The following MRPL45 variants were observed in gnomAD, a reference collection of about 807,000 sequenced individuals.
MRPL45 encodes mitochondrial ribosomal protein L45.
Under a neutral mutation model 38.1 loss-of-function variants are expected in MRPL45, and 20 were observed. That is an observed-to-expected ratio of 0.53 (90% CI 0.37 to 0.76). The LOEUF (loss-of-function observed/expected upper bound fraction) is 0.76, where lower values mean the gene tolerates loss of function less well. MRPL45 is among the 30% of genes least tolerant of loss of function. The pLI, the probability that MRPL45 is intolerant of heterozygous loss-of-function variation, is 0.00. For synonymous variants in MRPL45, 105 were observed against 128.8 expected, an observed-to-expected ratio of 0.82 and a Z score of 1.25; for missense variants, 337 against 395.6, an observed-to-expected ratio of 0.85 and a Z score of 1.26.
chr17:38,316,737 C>CAAAAA (rs61383463), intron 4 of MRPL45, among the ~76,000 whole-genome samples: 2 of 61,212 alleles, frequency 3.3e-5, no homozygotes, highest in Non-Finnish European at 3.1e-5. Context: ...TGGTGCAATC[C>CAAAAA]AAAAAAAAAA....
At chr17:38,319,001 A>G (rs1555522229) in intron 5 of MRPL45, among the ~76,000 whole-genome samples, 1 of 51,864 alleles carries the variant, frequency 1.9e-5, no homozygotes, top group Non-Finnish European at 3.4e-5. Context: ...CTAATTTTTT[A>G]TTTATTTATT....
intron 3 of MRPL45, among the ~76,000 whole-genome samples, chr17:38,305,448 C>A (rs1470515928): frequency 6.9e-6 from 1 of 144,426 alleles, no homozygotes; most frequent in African/African-American, 2.6e-5. Context: ...GCCTGTGCGA[C>A]GGAGTGCGAG....
intron 1 of MRPL45, among the ~76,000 whole-genome samples, chr17:38,297,557 C>A (rs539665459): frequency 9.1e-4 from 139 of 152,128 alleles, no homozygotes; most frequent in African/African-American, 3.3e-3. Context: ...CCCTAATCTT[C>A]GATTCTTATA....
In MRPL45 at chr17:38,322,210, G is replaced by A. The variant is rs767927015; in HGVS notation, c.745G>A (p.Glu249Lys). The change falls in exon 7 of 8, where the codon GAA (glutamate) becomes AAA (lysine). Residue 249 changes from glutamate (E) to lysine (K), a missense_variant. Transcript: ENST00000613675. The part of the protein sequence containing the change: ...PKDVLEYVVF[E>K]KQLTNPYGSW... The stretch of plus-strand genomic sequence containing the variant: ...GGATGTCCTGGAGTATGTTGTATTC[G>A]AAAAGCAGTTGACAAACCCCTATGG... 18 of 1,614,058 alleles carry A rather than the reference G, an allele frequency of 1.1e-5. No individual in the cohort carries two copies. The highest frequency in any genetic ancestry group is 1.3e-5 in the African/African-American group (1 of 74,986).
intron 4 of MRPL45, among the ~76,000 whole-genome samples, chr17:38,311,445 T>C (rs959586421): frequency 6.6e-6 from 1 of 152,014 alleles, no homozygotes; most frequent in African/African-American, 2.4e-5. Flanking sequence ...CCCAGCACTT[T>C]GGGAGGCTGA....
chr17:38,299,096 G>A (rs1455166034), intron 2 of MRPL45, among the ~76,000 whole-genome samples: 1 of 151,658 alleles, frequency 6.6e-6, no homozygotes, highest in Non-Finnish European at 1.5e-5. Flanking sequence ...CACCATCTTG[G>A]CCAGGCTGGT....
At chr17:38,321,089 A>G (rs578128052) in intron 6 of MRPL45, among the ~76,000 whole-genome samples, 9 of 151,424 alleles carry the variant, frequency 5.9e-5, no homozygotes, top group East Asian at 1.9e-4. Context: ...CAATCCTCCC[A>G]CCTCAGCCTC....
Position 38,318,820 on chromosome 17 carries a change from TTCTTTTC to T in MRPL45, c.510+87_510+93del, listed in dbSNP as rs1387716402. 4.4e-4 allele frequency: 393 copies of T among 883,492 alleles called. 3 individuals carry two copies. In the African/African-American group the frequency reaches 9.3e-3, roughly 21 times the overall value. 54.7% of individuals were successfully genotyped at this position (883,492 alleles called of 1,614,324 possible). A position where few individuals can be genotyped will look rare whatever the true frequency, so the allele number is the denominator to read the frequency against. On this transcript the variant is annotated intron_variant, in intron 5 of 7. Transcript: ENST00000613675. ...TCTCTGGTTTTTCTTTTCTTTTCTT[TTCTTTTC>T]TTTTTTTTTTTTTTTTTGAGACAGA... is the stretch of plus-strand genomic sequence containing the variant.
At chr17:38,300,538 C>A (rs1298567684) in intron 3 of MRPL45, among the ~76,000 whole-genome samples, 1 of 152,108 alleles carries the variant, frequency 6.6e-6, no homozygotes, top group African/African-American at 2.4e-5. Flanking sequence ...ACCCCATAGG[C>A]CACTGTGCCC....
intron 4 of MRPL45, among the ~76,000 whole-genome samples, chr17:38,313,871 C>T (rs1324185481): frequency 3.9e-5 from 6 of 151,900 alleles, no homozygotes; most frequent in African/African-American, 1.5e-4. Flanking sequence ...CCATGTTGGC[C>T]AGGCTGGTCT....
chr17:38,317,086 G>A (rs558496337), intron 4 of MRPL45, among the ~76,000 whole-genome samples: 373 of 152,158 alleles, frequency 2.5e-3, no homozygotes, highest in Non-Finnish European at 4.3e-3. Context: ...ATGAGCCACC[G>A]CACCCGGCCC....
chr17:38,299,328 A>T, intron 2 of MRPL45, 23 bp from the exon 3 acceptor site: 1 of 1,481,988 alleles, frequency 6.7e-7, no homozygotes, highest in South Asian at 1.2e-5. Context: ...CACTTTCTTA[A>T]TTTTTTTCTT....
chr17:38,320,484 G>T (rs2037218547), intron 5 of MRPL45, 134 bp from the exon 6 acceptor site: 17 of 868,306 alleles, frequency 2.0e-5, no homozygotes, highest in South Asian at 1.8e-4. Flanking sequence ...GAGAAAATAG[G>T]CACAAGAGAG....
intron 4 of MRPL45, among the ~76,000 whole-genome samples, chr17:38,307,458 C>T (rs1007674359): frequency 7.9e-5 from 12 of 152,012 alleles, no homozygotes; most frequent in African/African-American, 2.9e-4. Context: ...TCTACTTAGT[C>T]CGTCAAGTAG....
intron 3 of MRPL45, among the ~76,000 whole-genome samples, chr17:38,305,679 G>A (rs868597070): frequency 1.5e-4 from 21 of 138,058 alleles, no homozygotes; most frequent in African/African-American, 5.3e-4. Context: ...GTCTCGCTCT[G>A]TGACCCAGGC....
chr17:38,315,332 T>G (rs2037162883), intron 4 of MRPL45, among the ~76,000 whole-genome samples: 2 of 152,104 alleles, frequency 1.3e-5, no homozygotes, highest in African/African-American at 4.8e-5. Context: ...ATAGCTGCAC[T>G]GCAGCCTCAA....
chr17:38,315,960 A>G (rs1288874566), intron 4 of MRPL45, among the ~76,000 whole-genome samples: 1 of 151,718 alleles, frequency 6.6e-6, no homozygotes, highest in African/African-American at 2.4e-5. Context: ...TTTTTAGTAA[A>G]GATAGGGTTT....
At chr17:38,304,664 C>G (rs1241197173) in intron 3 of MRPL45, among the ~76,000 whole-genome samples, 1 of 152,030 alleles carries the variant, frequency 6.6e-6, no homozygotes, top group African/African-American at 2.4e-5. Flanking sequence ...CTGCCTCAGT[C>G]TCCTGAGTAG....
chr17:38,322,350 CT>C (rs777427702), intron 7 of MRPL45, 51 bp downstream of exon 7: 132 of 1,579,956 alleles, frequency 8.4e-5, no homozygotes, highest in Non-Finnish European at 1.1e-4. Flanking sequence ...TCGTGGTCTC[CT>C]AAGCCACTCT....
Sources: gnomAD v4.1 joint callset for allele counts (sites outside exome capture counted in the v4.1 genomes callset) on GRCh38, gnomAD v4.1.1 for gene constraint, MANE v1.5 for transcripts, NCBI Gene and HGNC (gene_info 2026-07-23, HGNC 2026-07-21) for gene names.